RAB27B: variants seen among roughly 807,000 people sequenced by gnomAD.
The protein encoded by RAB27B is RAB27B, member RAS oncogene family, also known as ras-related protein Rab-27B.
A neutral mutation model predicts 24.6 loss-of-function variants in RAB27B; 15 were observed. That is an observed-to-expected ratio of 0.61 (90% CI 0.41 to 0.94). The LOEUF (loss-of-function observed/expected upper bound fraction) is 0.94. RAB27B is among the 40% of genes least tolerant of loss of function. RAB27B has a pLI of 0.00. For missense variants in RAB27B, 261 were observed against 266.8 expected (o/e 0.98, Z 0.15); for synonymous variants, 105 against 92.5 (o/e 1.14, Z -0.78).
intron 4 of RAB27B, 96 bp from the exon 5 acceptor site, chr18:54,887,899 A>C: frequency 7.0e-7 from 1 of 1,438,356 alleles, no homozygotes; most frequent in Admixed American, 1.9e-5. Flanking sequence ...ACCAAACTGG[A>C]GATAAGCAAT....
intron 1 of RAB27B, among the ~76,000 whole-genome samples, chr18:54,865,446 A>G (rs1432856915): frequency 2.0e-5 from 3 of 152,154 alleles, no homozygotes; most frequent in Admixed American, 6.5e-5. Flanking sequence ...GTTTCCAGTT[A>G]CCCTTTATGG....
chr18:54,815,762 A>T (rs1598925828), intron 2 of RAB27B, among the ~76,000 whole-genome samples: 1 of 152,292 alleles, frequency 6.6e-6, no homozygotes, highest in East Asian at 1.9e-4. Context: ...TTAAAGTTAT[A>T]GCTCATTATG....
At chr18:54,818,129 T>C (rs1910175179) in intron 2 of RAB27B, among the ~76,000 whole-genome samples, 1 of 152,188 alleles carries the variant, frequency 6.6e-6, no homozygotes, top group African/African-American at 2.4e-5. Flanking sequence ...TGTTCTCCAA[T>C]GCCAATTACC....
intron 2 of RAB27B, among the ~76,000 whole-genome samples, chr18:54,784,320 T>C (rs906661060): frequency 6.6e-6 from 1 of 152,212 alleles, no homozygotes; most frequent in Admixed American, 6.5e-5. Context: ...CATTTCAGAT[T>C]CAGAGGATAC....
intron 2 of RAB27B, among the ~76,000 whole-genome samples, chr18:54,723,283 A>G (rs527659571): frequency 6.6e-6 from 1 of 152,320 alleles, no homozygotes; most frequent in Non-Finnish European, 1.5e-5. Flanking sequence ...GAGGTGCCCC[A>G]CCGGCGTGTT....
chr18:54,730,219 G>T (rs1568044727), intron 2 of RAB27B, among the ~76,000 whole-genome samples: 1 of 152,160 alleles, frequency 6.6e-6, no homozygotes, highest in Non-Finnish European at 1.5e-5. Context: ...GATTTAGGAA[G>T]TGCTCTTGTG....
intron 3 of RAB27B, chr18:54,880,583 T>G (rs1265890067): frequency 1.3e-5 from 2 of 152,132 alleles, no homozygotes; most frequent in Non-Finnish European, 2.9e-5. Flanking sequence ...GACTGTGAAT[T>G]CCATTTACAC....
chr18:54,893,116 T>C lies in RAB27B; in HGVS notation c.*3703T>C, dbSNP rs1033252342. On this transcript the variant is annotated 3_prime_UTR_variant, in exon 6 of 6. Transcript: ENST00000262094. ...TGCAACTGGTGCAGTGGTGAGTTAA[T>C]CATAGTGTATAACCTTGTGTTCATG... is the stretch of plus-strand genomic sequence containing the variant. 3.9e-5 allele frequency: 6 copies of C among 152,024 alleles called. No homozygotes were observed. The highest frequency in any genetic ancestry group is 1.4e-4 in the African/African-American group (6 of 41,440). 9.4% of individuals were successfully genotyped at this position (152,024 alleles called of 1,614,324 possible).
chr18:54,812,550 AACAC>A (rs10595171), intron 2 of RAB27B, among the ~76,000 whole-genome samples: 20,937 of 138,950 alleles, frequency 0.15, 1,610 homozygotes, highest in African/African-American at 0.19. Context: ...GAACTCCTTT[AACAC>A]ACACACACAC....
chr18:54,831,734 G>A (rs1813075632), intron 1 of RAB27B, among the ~76,000 whole-genome samples: 1 of 152,068 alleles, frequency 6.6e-6, no homozygotes, highest in African/African-American at 2.4e-5. Flanking sequence ...AGGGGACTGT[G>A]TGATTCGGTG....
chr18:54,888,067 A>C lies in RAB27B; in HGVS notation c.416A>C (p.Asp139Ala), dbSNP rs781142576. ...VLIGNKADLP[D>A]QREVNERQAR... ...ATTGGCAACAAGGCAGACCTACCAGATCAGAGGGAAGTCAATGAACGGCAA... is the reference window on the plus strand; with the variant it reads ...ATTGGCAACAAGGCAGACCTACCAGCTCAGAGGGAAGTCAATGAACGGCAA... Residue 139 changes from aspartate (D) to alanine (A), a missense_variant, in exon 5 of 6, where the codon GAT becomes GCT. Asp to Ala is a moderately radical substitution (Grantham distance 126, BLOSUM62 -2). Coordinates refer to ENST00000262094, the MANE Select transcript of RAB27B (RefSeq NM_004163.4). 6.2e-7 allele frequency: 1 copy of C among 1,613,304 alleles called. No homozygotes were observed. The highest frequency in any genetic ancestry group is 8.5e-7 in the Non-Finnish European group (1 of 1,179,448).
chr18:54,878,773 C>G (rs187939797), intron 2 of RAB27B, among the ~76,000 whole-genome samples: 1 of 151,978 alleles, frequency 6.6e-6, no homozygotes, highest in East Asian at 1.9e-4. Context: ...AAAAATTAAA[C>G]TTACCTAAAA....
chr18:54,883,199 A>G (rs1230826788), intron 3 of RAB27B, among the ~76,000 whole-genome samples: 1 of 152,160 alleles, frequency 6.6e-6, no homozygotes, highest in African/African-American at 2.4e-5. Flanking sequence ...GAAGTATCCA[A>G]CAAGTAATTA....
intron 4 of RAB27B, among the ~76,000 whole-genome samples, chr18:54,886,177 A>T (rs183014496): frequency 3.8e-4 from 58 of 152,208 alleles, no homozygotes; most frequent in Admixed American, 1.6e-3. Flanking sequence ...CCCATCTGAA[A>T]TAGTACTCAT....
intron 1 of RAB27B, among the ~76,000 whole-genome samples, chr18:54,832,533 G>T (rs1910723044): frequency 6.6e-6 from 1 of 152,198 alleles, no homozygotes; most frequent in African/African-American, 2.4e-5. Context: ...ATAGAAATTT[G>T]AGAAGCAAGT....
intron 2 of RAB27B, among the ~76,000 whole-genome samples, chr18:54,776,210 A>C (rs1295254130): frequency 1.3e-5 from 2 of 152,246 alleles, no homozygotes; most frequent in Non-Finnish European, 2.9e-5. Context: ...TCTCCTGCTC[A>C]GGCAGGCAAA....
chr18:54,794,194 GTAAAT>G (rs1485396258), intron 2 of RAB27B, among the ~76,000 whole-genome samples: 1 of 152,104 alleles, frequency 6.6e-6, no homozygotes, highest in East Asian at 1.9e-4. Flanking sequence ...TGAGAATTAA[GTAAAT>G]TAATATATAC....
chr18:54,796,123 G>A (rs1308149250), intron 2 of RAB27B, among the ~76,000 whole-genome samples: 3 of 152,154 alleles, frequency 2.0e-5, no homozygotes. Context: ...ATGTGTGACA[G>A]GGGTGGCTCG....
intron 2 of RAB27B, among the ~76,000 whole-genome samples, chr18:54,770,798 A>C (rs1300579346): frequency 6.6e-6 from 1 of 152,096 alleles, no homozygotes; most frequent in East Asian, 1.9e-4. Context: ...CTAGTATTAG[A>C]TAAGGCATAT....
Sources: gnomAD v4.1 joint callset for allele counts (sites outside exome capture counted in the v4.1 genomes callset) on GRCh38, gnomAD v4.1.1 for gene constraint, MANE v1.5 for transcripts, NCBI Gene and HGNC (gene_info 2026-07-23, HGNC 2026-07-21) for gene names.